The following PRSS53 variants were observed in gnomAD, a reference collection of about 807,000 sequenced individuals.
PRSS53 encodes serine protease 53.
PRSS53 carries 54 observed loss-of-function variants against 62.7 expected under a neutral mutation model. The observed-to-expected ratio is 0.86, with a 90% CI of 0.69 to 1.08. The LOEUF (loss-of-function observed/expected upper bound fraction) is 1.08, where lower values mean the gene tolerates loss of function less well. PRSS53 is among the 50% of genes least tolerant of loss of function. The probability of loss-of-function intolerance (pLI) is 0.00; values close to 1 mark genes in which losing one functional copy is unlikely to be tolerated. For synonymous variants in PRSS53, 273 were observed against 300.0 expected (o/e 0.91, Z 0.93); for missense variants, 688 against 728.3 (o/e 0.94, Z 0.64).
chr16:31,088,163 G>A (rs1334251129), intron 1 of PRSS53: 15 of 1,289,684 alleles, frequency 1.2e-5, no homozygotes, highest in South Asian at 1.6e-5. Flanking sequence ...TGTGTGTAGA[G>A]AGCATTAGCT....
rs2057243267 is a variant in PRSS53 at position 31,087,124 on chromosome 16, A to T, written c.243-226T>A. ...GCGATCCTCCCACCTCAGCCTCGTG[A>T]GTAGCTGGGACTACAGGCGTGCACC... On this transcript the variant is annotated intron_variant, in intron 3 of 10. Coordinates refer to ENST00000280606, the Ensembl canonical transcript of PRSS53. 2.0e-5 allele frequency: 11 copies of T among 548,558 alleles called. No homozygotes were observed. The South Asian group carries it at 2.8e-4, about 14-fold the overall frequency. The allele number at this position is 548,558 out of a possible 1,614,324, so 34.0% of individuals were successfully genotyped here.
At chr16:31,086,035 C>T (rs752789605) in exon 6 of PRSS53, 13 of 1,614,032 alleles carry the variant, frequency 8.1e-6, no homozygotes, top group Middle Eastern at 1.7e-4. Flanking sequence ...CCCCTGAACT[C>T]GAGCCTGCAG....
chr16:31,086,715 G>T lies in PRSS53; in HGVS notation c.426C>A (p.Pro142=), dbSNP rs761177126. 47 of 1,579,772 alleles carry T rather than the reference G, an allele frequency of 3.0e-5. No individual in the cohort carries two copies. In the East Asian group the frequency reaches 1.0e-3, roughly 35 times the overall value. ...GATGGGCGGGCTGGGGCAGGCAGAG[G>T]GGTGTGTGGGTCGTGGGGTGGGCGA... Residue 142 remains proline, a synonymous_variant, in exon 4 of 11, where the codon CCC becomes CCA. Transcript: ENST00000280606.
chr16:31,085,969 C>G, exon 6 of PRSS53: 5 of 1,613,442 alleles, frequency 3.1e-6, no homozygotes, highest in Non-Finnish European at 4.2e-6. Context: ...CGTACCTACA[C>G]AGCTGTCCTC....
chr16:31,087,014 T>C (rs1444038587), intron 3 of PRSS53, 116 bp from the exon 4 acceptor site: 38 of 1,146,524 alleles, frequency 3.3e-5, no homozygotes, highest in Non-Finnish European at 4.3e-5. Flanking sequence ...TTTTTCTTTT[T>C]GAGGTAGGGT....
intron 5 of PRSS53, 71 bp from the exon 6 acceptor site, chr16:31,086,254 T>C (rs2057232326): frequency 3.7e-5 from 58 of 1,583,946 alleles, no homozygotes; most frequent in Non-Finnish European, 4.8e-5. Flanking sequence ...TGATTGCAGG[T>C]CTTTCCCCCA....
At position 31,086,689 on chromosome 16, in the gene PRSS53, C is replaced by T. The variant is rs1031652556; in HGVS notation, c.452G>A (p.Arg151His). 5.8e-6 allele frequency: 9 copies of T among 1,555,090 alleles called. No individual in the cohort carries two copies. In the East Asian group the frequency reaches 6.8e-5, roughly 12 times the overall value. Residue 151 changes from arginine to histidine, a missense_variant, in exon 4 of 11, where the codon CGC becomes CAC. Transcript: ENST00000280606. ...CCAGCAGGAGGCTCCAAAGGGGAAG[C>T]GATGGGCGGGCTGGGGCAGGCAGAG... is the stretch of plus-strand genomic sequence containing the variant.
rs923652318 is a variant in PRSS53, at chr16:31,084,049, G to C, written c.1642+70C>G. Reference sequence around the variant, plus strand: ...AAGGCAGCTGGAGTGGGTTAGAACGGCACGTTCTCACTGGAGAGAGAAGGG... The same window carrying C: ...AAGGCAGCTGGAGTGGGTTAGAACGCCACGTTCTCACTGGAGAGAGAAGGG... On this transcript the variant is annotated intron_variant, in intron 10 of 10. Coordinates refer to ENST00000280606, the Ensembl canonical transcript of PRSS53. 1.7e-5 allele frequency: 26 copies of C among 1,524,404 alleles called. No homozygotes were observed. In the Admixed American group the frequency reaches 2.4e-4, roughly 14 times the overall value. 94.4% of individuals were successfully genotyped at this position (1,524,404 alleles called of 1,614,324 possible).
At chr16:31,083,860 C>CCCTG in intron 10 of PRSS53, 51 bp from the exon 11 acceptor site, 1 of 1,466,194 alleles carries the variant, frequency 6.8e-7, no homozygotes, top group African/African-American at 1.4e-5. Context: ...CGGCTTTGGT[C>CCCTG]CCTCCCTCCC....
chr16:31,086,769 G>A (rs1419949824), exon 4 of PRSS53: 7 of 1,612,910 alleles, frequency 4.3e-6, no homozygotes, highest in Non-Finnish European at 5.9e-6. Context: ...CTGAGCCCTG[G>A]CTGTAGTGGT....
At position 31,086,334 on chromosome 16, in the gene PRSS53, G is replaced by A; in HGVS notation, c.663+3C>T. ...TCTGCTCCTTCTCTTCTCCCTATCAGACCTGACAGGGGCCCTGCACCCCAG... is the reference window on the plus strand; with the variant it reads ...TCTGCTCCTTCTCTTCTCCCTATCAAACCTGACAGGGGCCCTGCACCCCAG... On this transcript the variant is annotated splice_donor_region_variant and intron_variant, in intron 5 of 10. Coordinates refer to ENST00000280606, the Ensembl canonical transcript of PRSS53. The A allele has an allele frequency of 6.2e-7, 1 of 1,608,998 alleles. No individual in the cohort carries two copies. Among genetic ancestry groups the A allele is most frequent in the Admixed American group, 1.7e-5 (1 of 59,692 alleles).
chr16:31,085,356 C>G (rs751514808), intron 6 of PRSS53, 96 bp from the exon 7 acceptor site: 2 of 1,371,318 alleles, frequency 1.5e-6, no homozygotes, highest in Non-Finnish European at 1.9e-6. Context: ...TTTTGTTCCC[C>G]TCATTACTGA....
At chr16:31,085,806 C>T (rs1048751555) in intron 6 of PRSS53, among the ~76,000 whole-genome samples, 158 bp downstream of exon 6, 1 of 152,192 alleles carries the variant, frequency 6.6e-6, no homozygotes, top group South Asian at 2.1e-4. Context: ...TCCAAAGTGC[C>T]TGTGCCTCTC....
chr16:31,083,618 G>C, exon 11 of PRSS53: 1 of 1,501,506 alleles, frequency 6.7e-7, no homozygotes, highest in Non-Finnish European at 8.9e-7. Flanking sequence ...CCCCTGTCCT[G>C]CAGGGTGGGG....
intron 5 of PRSS53, 50 bp downstream of exon 5, chr16:31,086,287 C>T: frequency 6.3e-7 from 1 of 1,585,184 alleles, no homozygotes; most frequent in Non-Finnish European, 8.6e-7. Flanking sequence ...CAACCCCCAG[C>T]CCAGGGTTAG....
intron 9 of PRSS53, 105 bp downstream of exon 9, chr16:31,084,453 G>GT (rs2057206130): frequency 6.7e-7 from 1 of 1,495,592 alleles, no homozygotes; most frequent in South Asian, 1.3e-5. Context: ...TTAGTTTCAG[G>GT]TGGGAGGTGG....
Position 31,087,714 on chromosome 16 carries a change from T to C in PRSS53, c.80-15A>G. On this transcript the variant is annotated splice_polypyrimidine_tract_variant and intron_variant, in intron 2 of 10. Transcript: ENST00000280606. Reference sequence around the variant, plus strand: ...CTGTCCACAGGCTGTGGAAAGGAGTTAGTCACACTGACAGCAGATACCTGT... The same window carrying C: ...CTGTCCACAGGCTGTGGAAAGGAGTCAGTCACACTGACAGCAGATACCTGT... The C allele has an allele frequency of 6.2e-7, 1 of 1,613,844 alleles. No individual in the cohort carries two copies. Among genetic ancestry groups the C allele is most frequent in the Non-Finnish European group, 8.5e-7 (1 of 1,179,890 alleles).
At chr16:31,085,050 C>T (rs1317509061) in intron 7 of PRSS53, 26 bp from the exon 8 acceptor site, 2 of 1,609,454 alleles carry the variant, frequency 1.2e-6, no homozygotes, top group Non-Finnish European at 1.7e-6. Flanking sequence ...GTGGACGGCA[C>T]CAGGTGACAG....
chr16:31,083,681 G>C (rs912164505), exon 11 of PRSS53: 17 of 1,592,688 alleles, frequency 1.1e-5, no homozygotes, highest in Non-Finnish European at 1.5e-5. Context: ...CTGGGCTTCT[G>C]GGCCTGCCCT....
Sources: gnomAD v4.1 joint callset for allele counts (sites outside exome capture counted in the v4.1 genomes callset) on GRCh38, gnomAD v4.1.1 for gene constraint, MANE v1.5 for transcripts, NCBI Gene and HGNC (gene_info 2026-07-23, HGNC 2026-07-21) for gene names.